Variants in KIRREL3 observed in about 807,000 individuals in gnomAD.
The protein encoded by KIRREL3 is kirre like nephrin family adhesion molecule 3.
KIRREL3 carries 36 observed loss-of-function variants against 89.7 expected under a neutral mutation model. That is an observed-to-expected ratio of 0.40 (90% CI 0.31 to 0.53). The LOEUF (loss-of-function observed/expected upper bound fraction) is 0.53. Ranked by LOEUF, KIRREL3 falls within the 20% of genes least tolerant of loss-of-function variation. The pLI is 0.49. For synonymous variants in KIRREL3, 445 were observed against 441.4 expected, an observed-to-expected ratio of 1.01 and a Z score of -0.10; for missense variants, 864 against 1,056.6, an observed-to-expected ratio of 0.82 and a Z score of 2.53.
intron 4 of KIRREL3, among the ~76,000 whole-genome samples, chr11:126,497,239 TGTGA>T (rs1280556117): frequency 1.1e-4 from 17 of 150,574 alleles, no homozygotes; most frequent in Non-Finnish European, 2.4e-4. Context: ...TGTGAGACAG[TGTGA>T]GTGTGTGCGT....
intron 1 of KIRREL3, among the ~76,000 whole-genome samples, chr11:126,749,872 T>G (rs966311204): frequency 1.3e-5 from 2 of 152,154 alleles, no homozygotes; most frequent in African/African-American, 2.4e-5. Flanking sequence ...CCCTAGAGAT[T>G]GTTGTCTAAC....
rs1490414564 is a variant in KIRREL3, at chr11:126,814,641, C to T, written c.55+185814G>A. Among the ~76,000 whole-genome samples the T allele has an allele frequency of 1.3e-5, 2 of 152,148 alleles. No homozygotes were observed. The highest frequency in any genetic ancestry group is 2.9e-5 in the Non-Finnish European group (2 of 68,034). On this transcript the variant is annotated intron_variant, in intron 1 of 16. Coordinates refer to ENST00000525144, the MANE Select transcript of KIRREL3 (RefSeq NM_032531.4). The surrounding 1 kb of genome is among the most constrained non-coding windows in gnomAD (Gnocchi z 4.4). ...CAGGGACATGGATGGAGCTGGAAGC[C>T]ATTATCCTCAGTAAACTAACACAGG...
chr11:126,597,947 A>G (rs1942478537), intron 1 of KIRREL3, among the ~76,000 whole-genome samples: 17 of 152,192 alleles, frequency 1.1e-4, no homozygotes, highest in Admixed American at 1.1e-3. Context: ...TCCTATGAGG[A>G]TTGTACAGTG....
rs1157262645 is a variant in KIRREL3, at chr11:126,491,419, G to T, written c.434-17953C>A. 2.6e-5 allele frequency among the ~76,000 whole-genome samples: 4 copies of T among 152,208 alleles called. No individual in the cohort carries two copies. The East Asian group carries it at 7.7e-4, about 29-fold the overall frequency. On this transcript the variant is annotated intron_variant, in intron 4 of 16. Transcript: ENST00000525144. The surrounding 1 kb of genome is among the most constrained non-coding windows in gnomAD (Gnocchi z 5.5). ...CCTCTCTTCCTGCAGGGCTGGCTGA[G>T]AACTAATTCAAGGCCATGTGACTCT...
At chr11:126,925,289 A>C (rs1947665144) in intron 1 of KIRREL3, among the ~76,000 whole-genome samples, 1 of 152,076 alleles carries the variant, frequency 6.6e-6, no homozygotes, top group African/African-American at 2.4e-5. Context: ...AGGATGAGAG[A>C]GCAGGCACAC....
In KIRREL3 at chr11:126,490,408, A is replaced by G. The variant is rs11220521; in HGVS notation, c.434-16942T>C. 0.61 allele frequency among the ~76,000 whole-genome samples: 92,480 copies of G among 151,714 alleles called. 28,956 individuals carry two copies. Among genetic ancestry groups the G allele is most frequent in the African/African-American group, 0.74 (30,590 of 41,354 alleles). On this transcript the variant is annotated intron_variant, in intron 4 of 16. Coordinates refer to ENST00000525144, the MANE Select transcript of KIRREL3 (RefSeq NM_032531.4). The surrounding 1 kb of genome is among the most constrained non-coding windows in gnomAD (Gnocchi z 4.2). ...TGAGCCAGGTTATTGGAAATAGACC[A>G]TGTAGGCCTGTGTTCCACGGGTGCT...
rs10893586 is a variant in KIRREL3 at position 126,844,006 on chromosome 11, G to A, written c.55+156449C>T. Among the ~76,000 whole-genome samples, 131,490 of 152,264 alleles carry A rather than the reference G, an allele frequency of 0.86. 57,130 individuals are homozygous for A. The highest frequency in any genetic ancestry group is 1 in the East Asian group (5,176 of 5,182). On this transcript the variant is annotated intron_variant, in intron 1 of 16. Transcript: ENST00000525144. The surrounding 1 kb of genome is among the most constrained non-coding windows in gnomAD (Gnocchi z 4.8). The stretch of plus-strand genomic sequence containing the variant: ...CTGTCTATGGAGTAGCCATTCTTTT[G>A]TTCCTTTACTTTCTTAATAAACTTG...
chr11:126,440,630 A>G, intron 10 of KIRREL3, 81 bp from the exon 11 acceptor site: 2 of 1,216,622 alleles, frequency 1.6e-6, no homozygotes, highest in South Asian at 1.3e-5. Flanking sequence ...TCAGAAGTGT[A>G]TTCATTAATC....
chr11:126,658,350 C>T (rs576671424), intron 1 of KIRREL3, among the ~76,000 whole-genome samples: 45 of 152,296 alleles, frequency 3.0e-4, no homozygotes, highest in Admixed American at 7.2e-4. Flanking sequence ...TCCTAAGCCA[C>T]TCCTAAAGAA....
Position 126,805,698 on chromosome 11 carries a change from T to C in KIRREL3, c.55+194757A>G, listed in dbSNP as rs569847829. Among the ~76,000 whole-genome samples, 10 of 152,158 alleles carry C rather than the reference T, an allele frequency of 6.6e-5. No individual in the cohort carries two copies. Among genetic ancestry groups the C allele is most frequent in the Non-Finnish European group, 1.5e-4 (10 of 68,044 alleles). On this transcript the variant is annotated intron_variant, in intron 1 of 16. Transcript: ENST00000525144. The surrounding 1 kb of genome is among the most constrained non-coding windows in gnomAD (Gnocchi z 4.3). ...GATATTACGTTTTTATTTACTACTA[T>C]GTATGTAAATGAAAGAAAGAAAAGG...
At chr11:126,672,294 G>T (rs1267734352) in intron 1 of KIRREL3, among the ~76,000 whole-genome samples, 2 of 152,192 alleles carry the variant, frequency 1.3e-5, no homozygotes, top group South Asian at 2.1e-4. Context: ...AGTTGGGAGG[G>T]TATGTTTAAG....
At chr11:126,549,505 C>A (rs966330674) in intron 2 of KIRREL3, 1 of 152,164 alleles carries the variant, frequency 6.6e-6, no homozygotes, top group Non-Finnish European at 1.5e-5. Context: ...CTCATTCCAG[C>A]GCACGGCTCT....
chr11:126,901,209 G>A (rs1349494536), intron 1 of KIRREL3, among the ~76,000 whole-genome samples: 9 of 104,424 alleles, frequency 8.6e-5, no homozygotes, highest in South Asian at 3.8e-4. Context: ...GCGAGATTCC[G>A]TCTCAAAAAA....
chr11:126,714,007 G>A (rs1255727353), intron 1 of KIRREL3, among the ~76,000 whole-genome samples: 1 of 152,198 alleles, frequency 6.6e-6, no homozygotes, highest in South Asian at 2.1e-4. Flanking sequence ...ACACAGCCAC[G>A]CCCTCTGCAT....
intron 4 of KIRREL3, among the ~76,000 whole-genome samples, chr11:126,488,471 A>T (rs1220574507): frequency 6.6e-6 from 1 of 152,274 alleles, no homozygotes; most frequent in Non-Finnish European, 1.5e-5. Flanking sequence ...TCGTGGAGGC[A>T]GCCTGCTGGT....
At chr11:126,781,124 C>T (rs1035438429) in intron 1 of KIRREL3, among the ~76,000 whole-genome samples, 4 of 152,044 alleles carry the variant, frequency 2.6e-5, no homozygotes, top group South Asian at 2.1e-4. Flanking sequence ...GTGGGGGTCA[C>T]GTTTTCTGGG....
chr11:126,822,648 C>T (rs1345212138), intron 1 of KIRREL3, among the ~76,000 whole-genome samples: 1 of 152,268 alleles, frequency 6.6e-6, no homozygotes, highest in African/African-American at 2.4e-5. Context: ...GAAATTCAGG[C>T]AGGGCTTGGT....
rs967058337 is a variant in KIRREL3, at chr11:126,569,838, T to C, written c.56-6926A>G. On this transcript the variant is annotated intron_variant, in intron 1 of 16. Coordinates refer to ENST00000525144, the MANE Select transcript of KIRREL3 (RefSeq NM_032531.4). The surrounding 1 kb of genome is among the most constrained non-coding windows in gnomAD (Gnocchi z 6.5). ...CCTCTCATTGGTTTTTGTCTATCAA[T>C]AGCCATCAGTAGCCATTCTGCCCAG... 3.9e-5 allele frequency among the ~76,000 whole-genome samples: 6 copies of C among 152,160 alleles called. No individual in the cohort carries two copies. Among genetic ancestry groups the C allele is most frequent in the African/African-American group, 1.2e-4 (5 of 41,426 alleles).
intron 1 of KIRREL3, among the ~76,000 whole-genome samples, chr11:126,854,922 C>T (rs531736719): frequency 6.0e-4 from 92 of 152,272 alleles, no homozygotes; most frequent in African/African-American, 2.0e-3. Context: ...CCACAGCCCT[C>T]GTTATAGTCC....
Sources: allele counts gnomAD v4.1 joint callset (sites outside exome capture counted in the v4.1 genomes callset), GRCh38; gene constraint gnomAD v4.1.1; non-coding constraint Gnocchi (gnomAD v3.1); transcripts MANE v1.5; gene names NCBI Gene and HGNC (gene_info 2026-07-23, HGNC 2026-07-21).